The following RPL17 variants were observed in gnomAD, a reference collection of about 807,000 sequenced individuals.
The protein encoded by RPL17 is large ribosomal subunit protein uL22.
RPL17 carries 2 observed loss-of-function variants against 27.7 expected under a neutral mutation model. The ratio of observed to expected loss-of-function variants is 0.07; its 90% CI spans 0.03 to 0.23. RPL17 has a LOEUF of 0.23. RPL17 is among the 10% of genes least tolerant of loss of function. The probability of loss-of-function intolerance (pLI) is 1.00; values close to 1 mark genes in which losing one functional copy is unlikely to be tolerated. For synonymous variants in RPL17, 76 were observed against 75.5 expected (o/e 1.01, Z -0.03); for missense variants, 141 against 238.8 (o/e 0.59, Z 2.70).
Position 49,489,569 on chromosome 18 carries a change from A to C in RPL17, c.316-19T>G. ...CTAAACCCTGGGGAAGAAAGGAAGG[A>C]GAATGAAACCAGGAACATCCTTAAT... On this transcript the variant is annotated intron_variant, in intron 5 of 6. Transcript: ENST00000580261. 6.3e-7 allele frequency: 1 copy of C among 1,598,736 alleles called. No individual in the cohort carries two copies. Among genetic ancestry groups the C allele is most frequent in the Non-Finnish European group, 8.5e-7 (1 of 1,179,012 alleles).
At chr18:49,488,877 C>G (rs902649125) in intron 6 of RPL17, among the ~76,000 whole-genome samples, 2 of 150,944 alleles carry the variant, frequency 1.3e-5, no homozygotes, top group Admixed American at 6.7e-5. Context: ...TCATACGGGC[C>G]TGAGGTACTG....
chr18:49,492,421 G>A (rs2084188966), intron 1 of RPL17, 37 bp downstream of exon 1: 1 of 152,530 alleles, frequency 6.6e-6, no homozygotes, highest in African/African-American at 2.4e-5. Context: ...ATGGCAGGAG[G>A]ATTGGGCCCT....
Position 49,491,464 on chromosome 18 carries a change from T to C in RPL17, c.41-19A>G, listed in dbSNP as rs1168668537. 3 of 1,614,128 alleles carry C rather than the reference T, an allele frequency of 1.9e-6. No individual in the cohort carries two copies. In the South Asian group the frequency reaches 3.3e-5, roughly 18 times the overall value. ...TTGCATGCTAGAAAATAAAACGTTT[T>C]GGTTAATTTTTGGTATCTTATGCCA... On this transcript the variant is annotated intron_variant, in intron 2 of 6. Transcript: ENST00000580261.
chr18:49,492,141 C>G (rs58421124), intron 1 of RPL17: 3,559 of 165,556 alleles, frequency 0.021, 136 homozygotes, highest in African/African-American at 0.079. Context: ...CACTAGACAC[C>G]GGACCTCCGG....
At position 49,490,826 on chromosome 18, in the gene RPL17, T is replaced by C; in HGVS notation, c.183A>G (p.Arg61=). The part of the protein sequence containing the change: ...VTLQKQCVPF[R]RYNGGVGRCA... ...ACCTGCCAACTCCACCATTGTAACG[T>C]CGGAATGGTACACACTGTTTCTGTA... Residue 61 remains arginine (R), a synonymous_variant, in exon 4 of 7, where the codon CGA becomes CGG. Coordinates refer to ENST00000580261, the MANE Select transcript of RPL17 (RefSeq NM_001035006.5). 5 of 1,613,142 alleles carry C rather than the reference T, an allele frequency of 3.1e-6. No homozygotes were observed. Among genetic ancestry groups the C allele is most frequent in the South Asian group, 1.1e-5 (1 of 91,046 alleles).
intron 6 of RPL17, 170 bp downstream of exon 6, chr18:49,489,189 A>G (rs2083877959): frequency 4.5e-6 from 3 of 670,566 alleles, no homozygotes; most frequent in African/African-American, 1.8e-5. Flanking sequence ...AAAACTTACC[A>G]TTTATTATTA....
At chr18:49,490,169 T>C (rs1279280073) in intron 5 of RPL17, 1 of 347,328 alleles carries the variant, frequency 2.9e-6, no homozygotes, top group Non-Finnish European at 5.3e-6. Context: ...TAAAAGCCCC[T>C]GGTAAAGTAC....
At chr18:49,490,286 C>G in intron 5 of RPL17, 168 bp downstream of exon 5, 1 of 740,612 alleles carries the variant, frequency 1.4e-6, no homozygotes, top group Non-Finnish European at 2.1e-6. Flanking sequence ...TAAAGGGACT[C>G]AAAAAAAATA....
chr18:49,491,849 C>G, intron 1 of RPL17: 2 of 629,420 alleles, frequency 3.2e-6, no homozygotes, highest in Non-Finnish European at 5.8e-6. Flanking sequence ...GAAGAAAATA[C>G]AGCCTGTTTC....
At chr18:49,490,353 A>C (rs2083969451) in intron 5 of RPL17, 101 bp downstream of exon 5, 1 of 1,158,032 alleles carries the variant, frequency 8.6e-7, no homozygotes, top group Non-Finnish European at 1.2e-6. Context: ...AAATCCTAAG[A>C]GTTAATTACT....
chr18:49,491,707 C>T (rs761909757), intron 1 of RPL17, 123 bp from the exon 2 acceptor site: 11 of 1,258,326 alleles, frequency 8.7e-6, no homozygotes, highest in Admixed American at 1.7e-5. Context: ...CCAAAGGTGT[C>T]CTAAGAAATG....
In RPL17 at chr18:49,490,488, A is replaced by G; in HGVS notation, c.281T>C (p.Met94Thr). The change falls in exon 5 of 7, where the codon ATG becomes ACG. Residue 94 changes from methionine to threonine, a missense_variant. Around this residue, in one of 2 missense-constraint regions of RPL17, gnomAD observed 107 missense variants for 150.1 expected, o/e 0.71. Coordinates refer to ENST00000580261, the MANE Select transcript of RPL17 (RefSeq NM_001035006.5). ...PKKSAEFLLH[M>T]LKNAESNAEL... ...AGCATTACTCTCTGCGTTTTTAAGC[A>G]TGTGCAGCAAAAATTCAGCACTCTT... 1 of 1,614,032 alleles carries G rather than the reference A, an allele frequency of 6.2e-7. No individual in the cohort carries two copies. The highest frequency in any genetic ancestry group is 8.5e-7 in the Non-Finnish European group (1 of 1,179,890).
chr18:49,489,605 C>A (rs2083908390), intron 5 of RPL17, 55 bp from the exon 6 acceptor site: 3 of 1,550,248 alleles, frequency 1.9e-6, no homozygotes, highest in South Asian at 2.2e-5. Context: ...TAGTAAAACA[C>A]CACAAACTAT....
chr18:49,488,962 G>C (rs540807343), intron 6 of RPL17, among the ~76,000 whole-genome samples: 2 of 151,600 alleles, frequency 1.3e-5, no homozygotes, highest in Admixed American at 6.6e-5. Flanking sequence ...GCAGTGGCGC[G>C]ATCTCGGCTC....
chr18:49,490,667 C>A (rs755740550), intron 4 of RPL17, 115 bp from the exon 5 acceptor site: 55 of 1,584,708 alleles, frequency 3.5e-5, no homozygotes, highest in Non-Finnish European at 3.6e-5. Context: ...CACCATCAAT[C>A]CAAGGTGTCC....
chr18:49,491,247 C>A (rs1246023710), intron 3 of RPL17, 158 bp downstream of exon 3: 1 of 1,215,398 alleles, frequency 8.2e-7, no homozygotes, highest in South Asian at 1.2e-5. Flanking sequence ...ACGCTACATC[C>A]TTACACCCTG....
intron 5 of RPL17, chr18:49,490,188 T>TA (rs1221333194): frequency 5.1e-6 from 2 of 390,032 alleles, no homozygotes; most frequent in Non-Finnish European, 9.3e-6. Flanking sequence ...ACCTCCAGTG[T>TA]AAAAAGACAG....
rs34048856 is a variant in RPL17, at chr18:49,488,903, GT to G, written c.508-338del. 2.0e-3 allele frequency among the ~76,000 whole-genome samples: 289 copies of G among 146,638 alleles called. 1 individual carries two copies. The highest frequency in any genetic ancestry group is 6.1e-3 in the African/African-American group (244 of 39,926). ...TGAGGTACTGAATATAAAACTACCA[GT>G]TTTTTTTTTTTTGAGACAGCGTCTC... On this transcript the variant is annotated intron_variant, in intron 6 of 6. Transcript: ENST00000580261.
Position 49,490,490 on chromosome 18 carries a change from G to A in RPL17, c.279C>T (p.His93=), listed in dbSNP as rs756765382. 35 of 1,613,866 alleles carry A rather than the reference G, an allele frequency of 2.2e-5. No homozygotes were observed. Among genetic ancestry groups the A allele is most frequent in the Non-Finnish European group, 2.9e-5 (34 of 1,179,890 alleles). ...WPKKSAEFLL[H]MLKNAESNAE... is the part of the protein sequence containing the mutation. The stretch of plus-strand genomic sequence containing the variant: ...CATTACTCTCTGCGTTTTTAAGCAT[G>A]TGCAGCAAAAATTCAGCACTCTTTT... Residue 93 remains histidine (H), a synonymous_variant, in exon 5 of 7, where the codon CAC becomes CAT. Transcript: ENST00000580261.
Sources: gnomAD v4.1 joint callset for allele counts (sites outside exome capture counted in the v4.1 genomes callset) on GRCh38, gnomAD v4.1.1 for gene constraint, gnomAD v4.1.1 regional missense constraint, MANE v1.5 for transcripts, NCBI Gene and HGNC (gene_info 2026-07-23, HGNC 2026-07-21) for gene names.